The following EPHB4 variants were observed in gnomAD, a reference collection of about 807,000 sequenced individuals.
EPHB4 encodes the protein ephrin type-B receptor 4.
A neutral mutation model predicts 110.6 loss-of-function variants in EPHB4; 50 were observed. The observed-to-expected ratio is 0.45, with a 90% confidence interval of 0.36 to 0.57. The LOEUF (loss-of-function observed/expected upper bound fraction) is 0.57, where lower values mean the gene tolerates loss of function less well. Among genes scored for constraint, EPHB4 ranks in the 20% least tolerant of loss-of-function variants. The probability of loss-of-function intolerance (pLI) is 0.00; values close to 1 mark genes in which losing one functional copy is unlikely to be tolerated. For missense variants in EPHB4, 1,128 were observed against 1,382.1 expected (o/e 0.82, Z 2.91); for synonymous variants, 592 against 578.4 (o/e 1.02, Z -0.34).
At chr7:100,819,286 T>C (rs1476333854) in intron 6 of EPHB4, among the ~76,000 whole-genome samples, 1 of 109,530 alleles carries the variant, frequency 9.1e-6, no homozygotes, top group African/African-American at 3.0e-5. Flanking sequence ...CTAATATTTT[T>C]ATTTTTTGTA....
chr7:100,820,110 A>T, intron 5 of EPHB4, 31 bp downstream of exon 5: 2 of 1,607,684 alleles, frequency 1.2e-6, no homozygotes, highest in Non-Finnish European at 1.7e-6. Flanking sequence ...ACCCCTCCCC[A>T]GTGAACTGCA....
intron 14 of EPHB4, 152 bp downstream of exon 14, chr7:100,806,268 C>T: frequency 9.9e-7 from 1 of 1,007,438 alleles, no homozygotes; most frequent in Non-Finnish European, 1.4e-6. Context: ...CCCTGTATCT[C>T]AACTCTTTGA....
chr7:100,809,619 T>G (rs1197428583), intron 12 of EPHB4, among the ~76,000 whole-genome samples: 1 of 152,150 alleles, frequency 6.6e-6, no homozygotes, highest in East Asian at 1.9e-4. Context: ...GCTTAAGTGA[T>G]CCTCCCGCCT....
In EPHB4 at chr7:100,812,898, C is replaced by A; in HGVS notation, c.1967G>T (p.Arg656Leu). 1 of 1,614,254 alleles carries A rather than the reference C, an allele frequency of 6.2e-7. No individual in the cohort carries two copies. The highest frequency in any genetic ancestry group is 8.5e-7 in the Non-Finnish European group (1 of 1,180,042). The change falls in exon 12 of 17, where the codon CGG becomes CTG. Residue 656 changes from arginine (R) to leucine (L), a missense_variant. Transcript: ENST00000358173. ...IKTLKGGYTE[R>L]QRREFLSEAS... ...CTCGCTCAGAAACTCACGCCGCTGC[C>A]GCTCCGTGTAGCCACCCTTCAGGGT... is the stretch of plus-strand genomic sequence containing the variant.
chr7:100,810,446 G>A (rs982071509), intron 12 of EPHB4, among the ~76,000 whole-genome samples: 3 of 151,614 alleles, frequency 2.0e-5, no homozygotes, highest in Non-Finnish European at 4.4e-5. Flanking sequence ...AGAGAGGCTC[G>A]AAAATATAAT....
chr7:100,807,648 CT>C (rs200946729), intron 12 of EPHB4, 68 bp from the exon 13 acceptor site: 15,572 of 1,138,978 alleles, frequency 0.014, no homozygotes, highest in Middle Eastern at 0.015. Flanking sequence ...CCATCCACAT[CT>C]TTTTTTTTTA....
chr7:100,803,694 G>A, intron 16 of EPHB4, 104 bp from the exon 17 acceptor site: 2 of 1,350,332 alleles, frequency 1.5e-6, no homozygotes, highest in South Asian at 3.9e-5. Context: ...AAGCCAATCA[G>A]AAAAGCCAGC....
rs1813443734 is a variant in EPHB4 at position 100,827,488 on chromosome 7, G to A, written c.-458C>T. The A allele has an allele frequency of 6.6e-6, 1 of 151,414 alleles. No homozygotes were observed. Among genetic ancestry groups the A allele is most frequent in the Admixed American group, 6.6e-5 (1 of 15,134 alleles). 9.4% of individuals were successfully genotyped at this position (151,414 alleles called of 1,614,324 possible). A position where few individuals can be genotyped will look rare whatever the true frequency, so the allele number is the denominator to read the frequency against. ...GGAGACTGCGGCGCGGAGCCGGGCG[G>A]GCCGGGCCGGGCAGGGGCTGAGCTG... On this transcript the variant is annotated 5_prime_UTR_variant, in exon 1 of 17. Coordinates refer to ENST00000358173, the MANE Select transcript of EPHB4 (RefSeq NM_004444.5).
At chr7:100,823,539 C>T (rs1416219015) in intron 3 of EPHB4, 105 bp downstream of exon 3, 9 of 1,417,124 alleles carry the variant, frequency 6.4e-6, no homozygotes, top group Admixed American at 2.2e-5. Flanking sequence ...GCCCCCAGCG[C>T]GCGGGCCAGA....
Position 100,814,039 on chromosome 7 carries a change from G to A in EPHB4, c.1589-18C>T. The A allele has an allele frequency of 6.2e-7, 1 of 1,612,792 alleles. No homozygotes were observed. Among genetic ancestry groups the A allele is most frequent in the South Asian group, 1.1e-5 (1 of 91,002 alleles). On this transcript the variant is annotated intron_variant, in intron 8 of 16. Transcript: ENST00000358173. ...CTCGCTCTCTGCGGAAGGAAAGGCTGCTGATCAGGAGAAACTGATGGTCCT... is the reference window on the plus strand; with the variant it reads ...CTCGCTCTCTGCGGAAGGAAAGGCTACTGATCAGGAGAAACTGATGGTCCT...
chr7:100,814,131 G>A, intron 8 of EPHB4, 110 bp from the exon 9 acceptor site: 1 of 1,182,272 alleles, frequency 8.5e-7, no homozygotes, highest in Non-Finnish European at 1.2e-6. Flanking sequence ...CCCCAGTACA[G>A]GGGACAGGTG....
At chr7:100,824,892 G>C (rs1315340434) in intron 1 of EPHB4, 1 of 152,678 alleles carries the variant, frequency 6.5e-6, no homozygotes, top group Non-Finnish European at 1.5e-5. Context: ...TCCCGCCGAG[G>C]CCTCACATCT....
At chr7:100,821,874 T>C (rs1179323750) in intron 4 of EPHB4, among the ~76,000 whole-genome samples, 2 of 151,962 alleles carry the variant, frequency 1.3e-5, no homozygotes, top group South Asian at 2.1e-4. Context: ...GTCTTTTTTT[T>C]TTCCAGCTGG....
chr7:100,814,596 T>C (rs1219461064), intron 8 of EPHB4, among the ~76,000 whole-genome samples: 1 of 152,216 alleles, frequency 6.6e-6, no homozygotes, highest in Non-Finnish European at 1.5e-5. Flanking sequence ...TGAAACGTTC[T>C]AAAGGTGAAA....
At chr7:100,803,878 G>A (rs1812755768) in intron 16 of EPHB4, among the ~76,000 whole-genome samples, 1 of 152,200 alleles carries the variant, frequency 6.6e-6, no homozygotes, top group African/African-American at 2.4e-5. Flanking sequence ...GAGACTGGGG[G>A]AAGAGGCTGC....
At chr7:100,812,652 T>C in intron 12 of EPHB4, 95 bp downstream of exon 12, 3 of 1,505,578 alleles carry the variant, frequency 2.0e-6, no homozygotes, top group Non-Finnish European at 2.7e-6. Flanking sequence ...GGAGGTGACC[T>C]GGGACCCACT....
intron 5 of EPHB4, 48 bp from the exon 6 acceptor site, chr7:100,819,937 G>A (rs555337030): frequency 2.5e-5 from 38 of 1,508,860 alleles, no homozygotes; most frequent in Middle Eastern, 2.3e-4. Context: ...CTCTGCGGTG[G>A]TGGGGAGAGG....
chr7:100,804,729 G>A (rs1286922169), intron 16 of EPHB4, among the ~76,000 whole-genome samples: 3 of 152,136 alleles, frequency 2.0e-5, no homozygotes, highest in East Asian at 1.9e-4. Flanking sequence ...GTGGGGATAC[G>A]CAGCCTTTGG....
chr7:100,812,969 C>T lies in EPHB4; in HGVS notation c.1896G>A (p.Gly632=). Residue 632 remains glycine (G), a synonymous_variant, in exon 12 of 17, where the codon GGG becomes GGA. Coordinates refer to ENST00000358173, the MANE Select transcript of EPHB4 (RefSeq NM_004444.5). ...CCTTCTTCCCTGGGGCCTTGAGCCG[C>T]CCCCGGCACACCTCGCCAAACTCAC... The part of the protein sequence containing the change: ...GAGEFGEVCR[G]RLKAPGKKES... 1 of 1,613,692 alleles carries T rather than the reference C, an allele frequency of 6.2e-7. No individual in the cohort carries two copies. Among genetic ancestry groups the T allele is most frequent in the Non-Finnish European group, 8.5e-7 (1 of 1,179,788 alleles).
Sources: allele counts gnomAD v4.1 joint callset (sites outside exome capture counted in the v4.1 genomes callset), GRCh38; gene constraint gnomAD v4.1.1; transcripts MANE v1.5; gene names NCBI Gene and HGNC (gene_info 2026-07-23, HGNC 2026-07-21).